STMN2: variants seen among roughly 807,000 people sequenced by gnomAD.
STMN2 encodes the protein stathmin-2.
STMN2 carries 2 observed loss-of-function variants against 24.1 expected under a neutral mutation model. That is an observed-to-expected ratio of 0.08 (90% CI 0.03 to 0.26). STMN2 has a LOEUF of 0.26. STMN2 is among the 10% of genes least tolerant of loss of function. The pLI, the probability that STMN2 is intolerant of heterozygous loss-of-function variation, is 1.00. For synonymous variants in STMN2, 83 were observed against 77.5 expected (o/e 1.07, Z -0.37); for missense variants, 114 against 213.6 (o/e 0.53, Z 2.91).
chr8:79,625,832 C>G (rs1397610797), intron 1 of STMN2, among the ~76,000 whole-genome samples: 1 of 152,074 alleles, frequency 6.6e-6, no homozygotes. Context: ...GTGGTTGCCG[C>G]CTGTAATCCC....
chr8:79,622,324 G>A (rs1020738052), intron 1 of STMN2, among the ~76,000 whole-genome samples: 1 of 152,080 alleles, frequency 6.6e-6, no homozygotes, highest in African/African-American at 2.4e-5. Context: ...TGATTCCCTA[G>A]ATAAATGATG....
chr8:79,613,385 C>A, intron 1 of STMN2: 1 of 985,412 alleles, frequency 1.0e-6, no homozygotes, highest in East Asian at 1.1e-4. Context: ...CTCCCCTCCC[C>A]GGAGTTGGGC....
At chr8:79,611,797 A>G (rs1054262339) in intron 1 of STMN2, 31 of 741,316 alleles carry the variant, frequency 4.2e-5, no homozygotes, top group Non-Finnish European at 5.1e-5. Flanking sequence ...GGGAGGTAAG[A>G]CGGCGGGGGA....
At position 79,655,814 on chromosome 8, in the gene STMN2, G is replaced by A. The variant is rs150015400; in HGVS notation, c.480+752G>A. Among the ~76,000 whole-genome samples, 27 of 152,260 alleles carry A rather than the reference G, an allele frequency of 1.8e-4. No individual in the cohort carries two copies. In the South Asian group the frequency reaches 3.5e-3, roughly 20 times the overall value. ...AGCTGTGAGTAGTTTAGCTGTGTCC[G>A]TTTCCAGAAATTGGAATAAGCATTG... On this transcript the variant is annotated intron_variant, in intron 4 of 4. Coordinates refer to ENST00000220876, the MANE Select transcript of STMN2 (RefSeq NM_007029.4).
At chr8:79,661,573 G>A (rs1441246049) in intron 4 of STMN2, among the ~76,000 whole-genome samples, 1 of 151,972 alleles carries the variant, frequency 6.6e-6, no homozygotes, top group Non-Finnish European at 1.5e-5. Flanking sequence ...ATAGGAAAAG[G>A]GATTAAAACT....
intron 1 of STMN2, among the ~76,000 whole-genome samples, chr8:79,627,844 A>G (rs1189787380): frequency 6.6e-6 from 1 of 152,178 alleles, no homozygotes; most frequent in Admixed American, 6.5e-5. Context: ...TTTTTTAGTG[A>G]GATCATGCAG....
chr8:79,631,976 G>C (rs1325317882), intron 1 of STMN2, among the ~76,000 whole-genome samples: 1 of 152,200 alleles, frequency 6.6e-6, no homozygotes, highest in Non-Finnish European at 1.5e-5. Context: ...AAGGGAAAAG[G>C]AAGGACAGAA....
At chr8:79,632,940 T>C (rs1809846178) in intron 1 of STMN2, among the ~76,000 whole-genome samples, 1 of 152,246 alleles carries the variant, frequency 6.6e-6, no homozygotes, top group South Asian at 2.1e-4. Flanking sequence ...ATCCCATCTT[T>C]CAAAGTGTTC....
In STMN2 at chr8:79,646,429, TATA is replaced by T. The variant is rs1383520958; in HGVS notation, c.288+4886_288+4888del. 3.3e-5 allele frequency among the ~76,000 whole-genome samples: 5 copies of T among 151,490 alleles called. No individual in the cohort carries two copies. The South Asian group carries it at 8.3e-4, about 25-fold the overall frequency. On this transcript the variant is annotated intron_variant, in intron 3 of 4. Transcript: ENST00000220876. ...AATATTATATGTTATTATTACTATA[TATA>T]ATAATATAATTATTGGATAGTCAAA...
intron 1 of STMN2, among the ~76,000 whole-genome samples, chr8:79,624,934 C>T (rs568981674): frequency 2.5e-3 from 386 of 152,280 alleles, no homozygotes; most frequent in African/African-American, 8.9e-3. Flanking sequence ...TTATCATTCA[C>T]CTGCTCTGCT....
intron 4 of STMN2, among the ~76,000 whole-genome samples, chr8:79,657,522 C>G (rs947499409): frequency 6.6e-6 from 1 of 152,176 alleles, no homozygotes; most frequent in African/African-American, 2.4e-5. Flanking sequence ...CAATATGCAG[C>G]CAGATTTGAG....
At chr8:79,646,379 T>A (rs954761099) in intron 3 of STMN2, among the ~76,000 whole-genome samples, 28 of 151,166 alleles carry the variant, frequency 1.9e-4, no homozygotes, top group Non-Finnish European at 2.9e-5. Context: ...CAAAGAGAAC[T>A]GGGGGTGTGG....
chr8:79,612,060 G>T (rs1267971733), intron 1 of STMN2, among the ~76,000 whole-genome samples: 1 of 142,748 alleles, frequency 7.0e-6, no homozygotes, highest in African/African-American at 2.6e-5. Context: ...GTGCGGAACC[G>T]CGCAGCCCCG....
At chr8:79,643,115 TTATA>T (rs1475566594) in intron 3 of STMN2, among the ~76,000 whole-genome samples, 1 of 142,612 alleles carries the variant, frequency 7.0e-6, no homozygotes, top group Non-Finnish European at 1.5e-5. Flanking sequence ...TACACCATGA[TTATA>T]TATTAATATT....
chr8:79,629,053 A>G (rs1183802580), intron 1 of STMN2, among the ~76,000 whole-genome samples: 1 of 152,172 alleles, frequency 6.6e-6, no homozygotes, highest in Non-Finnish European at 1.5e-5. Flanking sequence ...TCAATGTCAT[A>G]TCTAGGTTAA....
At chr8:79,650,105 T>G (rs1667171088) in intron 3 of STMN2, among the ~76,000 whole-genome samples, 1 of 152,210 alleles carries the variant, frequency 6.6e-6, no homozygotes, top group Non-Finnish European at 1.5e-5. Context: ...CAGTTCTATA[T>G]TTTGCCTTGA....
intron 4 of STMN2, chr8:79,663,493 T>G: frequency 1.2e-6 from 1 of 800,624 alleles, no homozygotes; most frequent in Non-Finnish European, 1.9e-6. Flanking sequence ...AAGTGCCTAA[T>G]AAATATTCAG....
At chr8:79,631,585 C>A in intron 1 of STMN2, 1 of 493,200 alleles carries the variant, frequency 2.0e-6, no homozygotes, top group Non-Finnish European at 2.6e-6. Flanking sequence ...AAAGTTACAT[C>A]ATTAATTACA....
intron 1 of STMN2, among the ~76,000 whole-genome samples, chr8:79,614,986 G>T (rs1809350854): frequency 6.6e-6 from 1 of 152,146 alleles, no homozygotes; most frequent in South Asian, 2.1e-4. Flanking sequence ...AATTTACTCA[G>T]ATTCAGGAAA....
Sources: allele counts gnomAD v4.1 joint callset (sites outside exome capture counted in the v4.1 genomes callset), GRCh38; gene constraint gnomAD v4.1.1; transcripts MANE v1.5; gene names NCBI Gene and HGNC (gene_info 2026-07-23, HGNC 2026-07-21).